Variants in SAAL1 observed in about 807,000 individuals in gnomAD.
SAAL1 encodes protein SAAL1.
SAAL1 carries 42 observed loss-of-function variants against 59.8 expected under a neutral mutation model. The observed-to-expected ratio is 0.70, with a 90% confidence interval of 0.55 to 0.91. SAAL1 has a LOEUF of 0.91. SAAL1 is among the 40% of genes least tolerant of loss of function. SAAL1 has a pLI of 0.00. For synonymous variants in SAAL1, 191 were observed against 194.3 expected (o/e 0.98, Z 0.14); for missense variants, 542 against 561.1 (o/e 0.97, Z 0.34).
intron 7 of SAAL1, 100 bp downstream of exon 7, chr11:18,089,229 AC>A: frequency 9.8e-7 from 1 of 1,021,730 alleles, no homozygotes; most frequent in East Asian, 2.7e-5. Context: ...GTGACTATGT[AC>A]TTTATTCTGT....
chr11:18,101,282 G>A (rs1303124121), intron 2 of SAAL1, among the ~76,000 whole-genome samples: 1 of 152,112 alleles, frequency 6.6e-6, no homozygotes, highest in African/African-American at 2.4e-5. Flanking sequence ...CTTGATATAT[G>A]GTCTGGCTCT....
At position 18,096,762 on chromosome 11, in the gene SAAL1, C is replaced by G; in HGVS notation, c.333+9G>C. The G allele has an allele frequency of 7.4e-7, 1 of 1,357,440 alleles. No individual in the cohort carries two copies. The highest frequency in any genetic ancestry group is 2.3e-5 in the East Asian group (1 of 43,702). 84.1% of individuals were successfully genotyped at this position (1,357,440 alleles called of 1,614,324 possible). A position where few individuals can be genotyped will look rare whatever the true frequency, so the allele number is the denominator to read the frequency against. On this transcript the variant is annotated intron_variant, in intron 3 of 11. Transcript: ENST00000524803. ...CAAAGAAGAAGGCTTTAGAAATGTA[C>G]ATACTTACTCTTAATCGAGGACACT...
chr11:18,099,633 G>A (rs1351901679), intron 2 of SAAL1, among the ~76,000 whole-genome samples: 1 of 152,230 alleles, frequency 6.6e-6, no homozygotes, highest in African/African-American at 2.4e-5. Flanking sequence ...GAGGACACAT[G>A]TAACAGAGTG....
In SAAL1 at chr11:18,090,554, T is replaced by A. The variant is rs575627958; in HGVS notation, c.414-61A>T. 8.4e-5 allele frequency: 129 copies of A among 1,544,658 alleles called. 1 individual carries two copies. The highest frequency in any genetic ancestry group is 7.7e-4 in the Admixed American group (34 of 44,282). ...TTCTCGCATTTAAAATATCAGAGTT[T>A]TCATTTAATTTTTTGAACATCTTTA... is the stretch of plus-strand genomic sequence containing the variant. On this transcript the variant is annotated intron_variant, in intron 4 of 11. Coordinates refer to ENST00000524803, the MANE Select transcript of SAAL1 (RefSeq NM_138421.3).
intron 3 of SAAL1, 89 bp from the exon 4 acceptor site, chr11:18,092,413 C>T: frequency 1.2e-6 from 1 of 851,830 alleles, no homozygotes. Flanking sequence ...TTCGCTGAGC[C>T]AAGTTTTGGG....
At chr11:18,093,157 A>G (rs11024478) in intron 3 of SAAL1, among the ~76,000 whole-genome samples, 62,010 of 151,934 alleles carry the variant, frequency 0.41, 13,229 homozygotes, top group African/African-American at 0.49. Context: ...GACCATCGGG[A>G]TATCTCACAG....
chr11:18,083,174 A>G (rs1848428375), intron 10 of SAAL1: 1 of 146,510 alleles, frequency 6.8e-6, no homozygotes, highest in Admixed American at 6.8e-5. Context: ...TATTTGGTAA[A>G]TTAGGTTTAA....
At chr11:18,086,574 G>A (rs767203783) in intron 9 of SAAL1, among the ~76,000 whole-genome samples, 4 of 152,008 alleles carry the variant, frequency 2.6e-5, no homozygotes, top group Non-Finnish European at 2.9e-5. Flanking sequence ...AGTGGTGTGC[G>A]CCTGTAATCC....
intron 1 of SAAL1, 152 bp from the exon 2 acceptor site, chr11:18,103,498 T>A (rs1261814234): frequency 1.7e-5 from 11 of 657,540 alleles, no homozygotes; most frequent in Non-Finnish European, 2.7e-5. Context: ...TGTGTGGAGT[T>A]TGCATGTTCT....
chr11:18,089,721 A>G (rs1848501715), intron 6 of SAAL1, among the ~76,000 whole-genome samples: 1 of 152,136 alleles, frequency 6.6e-6, no homozygotes, highest in African/African-American at 2.4e-5. Flanking sequence ...AGTTTAAGAA[A>G]TTTTGTATCT....
chr11:18,090,291 C>T lies in SAAL1; in HGVS notation c.474-1G>A. ...CTGGGAAAGGCAAGTAAGCAACAAC[C>T]TACATGGTAAACGTGGGTTGAATTT... On this transcript the variant is annotated splice_acceptor_variant, in intron 5 of 11. Transcript: ENST00000524803. LOFTEE classifies it high-confidence loss of function. 10 of 1,591,312 alleles carry T rather than the reference C, an allele frequency of 6.3e-6. No homozygotes were observed. Among genetic ancestry groups the T allele is most frequent in the Non-Finnish European group, 8.5e-6 (10 of 1,174,402 alleles).
At chr11:18,083,470 A>G (rs1263669154) in intron 10 of SAAL1, 65 bp downstream of exon 10, 13 of 856,742 alleles carry the variant, frequency 1.5e-5, no homozygotes, top group Non-Finnish European at 2.3e-5. Context: ...AAAAAAATAA[A>G]GTTTGAAGCG....
intron 11 of SAAL1, 119 bp from the exon 12 acceptor site, chr11:18,080,610 T>C: frequency 1.7e-6 from 1 of 603,134 alleles, no homozygotes; most frequent in East Asian, 3.0e-5. Context: ...CTGGCAGATC[T>C]CCAGATGATA....
Position 18,090,487 on chromosome 11 carries a change from C to T in SAAL1, c.420G>A (p.Val140=). The T allele has an allele frequency of 6.2e-7, 1 of 1,605,232 alleles. No homozygotes were observed. Among genetic ancestry groups the T allele is most frequent in the East Asian group, 2.2e-5 (1 of 44,790 alleles). ...CTGAATCATACAAACAGTGCAATAA[C>T]ACCTGCCTACAAAAACAAAGAAGTT... is the stretch of plus-strand genomic sequence containing the variant. The part of the protein sequence containing the change: ...SISSDKNLGQ[V]LLHCLYDSDP... The change falls in exon 5 of 12, where the codon GTG becomes GTA. Residue 140 remains valine (V), a synonymous_variant. Transcript: ENST00000524803.
intron 3 of SAAL1, among the ~76,000 whole-genome samples, chr11:18,094,552 G>A (rs929745112): frequency 6.6e-6 from 1 of 152,088 alleles, no homozygotes; most frequent in East Asian, 1.9e-4. Flanking sequence ...AGGCAGAGTT[G>A]CAACTTAAAG....
Position 18,081,396 on chromosome 11 carries a change from T to C in SAAL1, c.1332+15A>G. On this transcript the variant is annotated intron_variant, in intron 11 of 11. Transcript: ENST00000524803. ...TACAAAACTTGGCCACCTATATACA[T>C]TTACCCATACTCACCACAGGGCTAT... 1 of 1,595,398 alleles carries C rather than the reference T, an allele frequency of 6.3e-7. No individual in the cohort carries two copies. Among genetic ancestry groups the C allele is most frequent in the Non-Finnish European group, 8.6e-7 (1 of 1,164,794 alleles).
chr11:18,090,021 C>T (rs138762790), intron 6 of SAAL1, among the ~76,000 whole-genome samples, 154 bp downstream of exon 6: 1 of 152,200 alleles, frequency 6.6e-6, no homozygotes, highest in Non-Finnish European at 1.5e-5. Context: ...GCACTCCAAC[C>T]TGGGTGACAG....
chr11:18,095,728 T>C (rs1039016487), intron 3 of SAAL1, among the ~76,000 whole-genome samples: 7 of 152,256 alleles, frequency 4.6e-5, no homozygotes, highest in Admixed American at 1.3e-4. Context: ...GGCAATTTAA[T>C]TGGCAATAAA....
intron 5 of SAAL1, 48 bp downstream of exon 5, chr11:18,090,386 T>A: frequency 6.3e-7 from 1 of 1,577,774 alleles, no homozygotes; most frequent in Non-Finnish European, 8.6e-7. Context: ...TTTTTTCTTA[T>A]CTACTCTTAT....
Sources: gnomAD v4.1 joint callset for allele counts (sites outside exome capture counted in the v4.1 genomes callset) on GRCh38, gnomAD v4.1.1 for gene constraint, MANE v1.5 for transcripts, NCBI Gene and HGNC (gene_info 2026-07-23, HGNC 2026-07-21) for gene names.